The following VPS13A variants were observed in gnomAD, a reference collection of about 807,000 sequenced individuals.
VPS13A encodes intermembrane lipid transfer protein VPS13A.
Under a neutral mutation model 390.9 loss-of-function variants are expected in VPS13A, and 264 were observed. That is an observed-to-expected ratio of 0.68 (90% CI 0.61 to 0.75). VPS13A has a LOEUF of 0.75. Ranked by LOEUF, VPS13A falls within the 30% of genes least tolerant of loss-of-function variation. VPS13A has a pLI of 0.00. For synonymous variants in VPS13A, 1,231 were observed against 1,227.1 expected (o/e 1.00, Z -0.07); for missense variants, 3,409 against 3,733.9 (o/e 0.91, Z 2.27).
intron 68 of VPS13A, 110 bp downstream of exon 68, chr9:77,382,197 A>G: frequency 1.5e-6 from 2 of 1,348,244 alleles, no homozygotes; most frequent in Non-Finnish European, 2.0e-6. Context: ...TATTTTGCTT[A>G]ATTCCACTTA....
At chr9:77,332,614 C>T (rs985210142) in intron 46 of VPS13A, among the ~76,000 whole-genome samples, 3 of 151,532 alleles carry the variant, frequency 2.0e-5, no homozygotes, top group African/African-American at 7.3e-5. Context: ...AAATTTGATA[C>T]AATATGTTTT....
intron 50 of VPS13A, among the ~76,000 whole-genome samples, chr9:77,341,690 C>CTTTTTTTTTTTTTTTTTTTT (rs1830821898): frequency 8.5e-5 from 2 of 23,562 alleles, no homozygotes; most frequent in African/African-American, 3.8e-4. Flanking sequence ...GGACATCTTT[C>CTTTTTTTTTTTTTTTTTTTT]CTTTTTTTTT....
intron 1 of VPS13A, among the ~76,000 whole-genome samples, chr9:77,193,289 C>T (rs1443595730): frequency 6.6e-6 from 1 of 151,698 alleles, no homozygotes; most frequent in Admixed American, 6.6e-5. Context: ...CAACTTTCTC[C>T]CGAATTTCGG....
chr9:77,409,025 C>CCTAA (rs1834771057), intron 71 of VPS13A, among the ~76,000 whole-genome samples: 1 of 152,194 alleles, frequency 6.6e-6, no homozygotes, highest in South Asian at 2.1e-4. Context: ...CCCCAAGGAG[C>CCTAA]CTAACTGGGA....
chr9:77,350,934 G>T, intron 52 of VPS13A: 1 of 184,800 alleles, frequency 5.4e-6, no homozygotes, highest in South Asian at 1.0e-4. Flanking sequence ...GAATAATTTA[G>T]TTACTTTGTT....
At chr9:77,291,389 A>G (rs1050465380) in intron 31 of VPS13A, among the ~76,000 whole-genome samples, 3 of 152,176 alleles carry the variant, frequency 2.0e-5, no homozygotes, top group African/African-American at 7.2e-5. Context: ...ACAGATGCAT[A>G]GCATAATAGA....
chr9:77,389,413 C>T (rs943997079), intron 68 of VPS13A, among the ~76,000 whole-genome samples: 6 of 151,510 alleles, frequency 4.0e-5, no homozygotes, highest in Non-Finnish European at 8.8e-5. Flanking sequence ...TGAAGTAGTC[C>T]TCCTGCTCCA....
intron 34 of VPS13A, among the ~76,000 whole-genome samples, chr9:77,306,098 T>C (rs1297101069): frequency 6.6e-6 from 1 of 152,130 alleles, no homozygotes; most frequent in Non-Finnish European, 1.5e-5. Context: ...AAACTAAGTG[T>C]CATGAATAAA....
chr9:77,308,999 G>A (rs12341850), intron 35 of VPS13A, among the ~76,000 whole-genome samples: 15,575 of 152,046 alleles, frequency 0.1, 828 homozygotes, highest in Middle Eastern at 0.13. Flanking sequence ...AAAACCCCAA[G>A]CATGAATGAA....
intron 54 of VPS13A, among the ~76,000 whole-genome samples, chr9:77,353,846 C>T (rs1268126870): frequency 6.6e-6 from 1 of 152,034 alleles, no homozygotes; most frequent in African/African-American, 2.4e-5. Flanking sequence ...TTATAAACTC[C>T]TTATTATGTT....
chr9:77,292,224 C>G (rs764041209), intron 31 of VPS13A, among the ~76,000 whole-genome samples: 1 of 152,140 alleles, frequency 6.6e-6, no homozygotes, highest in Non-Finnish European at 1.5e-5. Context: ...GTGTGTGGCT[C>G]TCAGGGATTC....
chr9:77,387,306 C>A (rs1254914574), intron 68 of VPS13A, among the ~76,000 whole-genome samples: 1 of 152,128 alleles, frequency 6.6e-6, no homozygotes, highest in Non-Finnish European at 1.5e-5. Context: ...CTATAATTAA[C>A]TAGAACTTTT....
intron 20 of VPS13A, among the ~76,000 whole-genome samples, chr9:77,249,392 T>G (rs763244986): frequency 3.9e-5 from 6 of 152,236 alleles, no homozygotes; most frequent in Non-Finnish European, 8.8e-5. Context: ...ATATCTAATT[T>G]TGTGACTTTA....
intron 15 of VPS13A, 121 bp downstream of exon 15, chr9:77,226,719 T>C: frequency 1.2e-6 from 1 of 817,946 alleles, no homozygotes; most frequent in African/African-American, 1.8e-5. Flanking sequence ...TATATAAAGT[T>C]ATTACAAATA....
chr9:77,412,443 T>C (rs1001465348), intron 71 of VPS13A, among the ~76,000 whole-genome samples: 30 of 152,230 alleles, frequency 2.0e-4, no homozygotes, highest in South Asian at 4.1e-4. Context: ...GTTCAACATA[T>C]GCAAATCAAT....
At position 77,222,228 on chromosome 9, in the gene VPS13A, G is replaced by C. The variant is rs1182347897; in HGVS notation, c.1161+872G>C. On this transcript the variant is annotated intron_variant, in intron 13 of 71. Transcript: ENST00000360280. ...GAATGCCTGGGCTTAGAGTCTTTGG[G>C]GGATGGGTTCAGGTTGTCTTAGTCT... is the stretch of plus-strand genomic sequence containing the variant. Among the ~76,000 whole-genome samples, 4 of 152,146 alleles carry C rather than the reference G, an allele frequency of 2.6e-5. No homozygotes were observed. The East Asian group carries it at 7.7e-4, about 29-fold the overall frequency.
chr9:77,348,276 T>C (rs920851534), intron 52 of VPS13A, among the ~76,000 whole-genome samples: 19 of 152,190 alleles, frequency 1.2e-4, no homozygotes, highest in African/African-American at 4.6e-4. Flanking sequence ...ATATACACCA[T>C]GGATACTATG....
intron 1 of VPS13A, among the ~76,000 whole-genome samples, chr9:77,193,620 C>G (rs1396701750): frequency 1.3e-5 from 2 of 152,056 alleles, no homozygotes; most frequent in African/African-American, 2.4e-5. Flanking sequence ...GGCGACAGGG[C>G]AAAACTCTCT....
chr9:77,186,450 A>G (rs115244663), intron 1 of VPS13A, among the ~76,000 whole-genome samples: 1,688 of 150,940 alleles, frequency 0.011, 28 homozygotes, highest in African/African-American at 0.038. Flanking sequence ...GTTTTTTTTA[A>G]TTTTTGAGAT....
Sources: gnomAD v4.1 joint callset for allele counts (sites outside exome capture counted in the v4.1 genomes callset) on GRCh38, gnomAD v4.1.1 for gene constraint, MANE v1.5 for transcripts, NCBI Gene and HGNC (gene_info 2026-07-23, HGNC 2026-07-21) for gene names.